The following ZBTB20 variants were observed in gnomAD, a reference collection of about 807,000 sequenced individuals.
ZBTB20 encodes zinc finger and BTB domain containing 20, also known as zinc finger and BTB domain-containing protein 20.
Under a neutral mutation model 56.9 loss-of-function variants are expected in ZBTB20, and 9 were observed. The observed-to-expected ratio is 0.16, with a 90% CI of 0.10 to 0.28. ZBTB20 has a LOEUF of 0.28. Among genes scored for constraint, ZBTB20 ranks in the 10% least tolerant of loss-of-function variants. ZBTB20 has a pLI of 1.00. For synonymous variants in ZBTB20, 417 were observed against 420.7 expected, an observed-to-expected ratio of 0.99 and a Z score of 0.11; for missense variants, 655 against 1,003.0, an observed-to-expected ratio of 0.65 and a Z score of 4.69.
chr3:115,050,977 C>A (rs994436213), intron 2 of ZBTB20, among the ~76,000 whole-genome samples: 5 of 152,028 alleles, frequency 3.3e-5, no homozygotes, highest in African/African-American at 4.8e-5. Context: ...TTTTTTAGCA[C>A]AATCTTCAAT....
intron 5 of ZBTB20, among the ~76,000 whole-genome samples, chr3:114,767,054 T>G (rs1400005431): frequency 6.6e-6 from 1 of 152,078 alleles, no homozygotes; most frequent in Non-Finnish European, 1.5e-5. Flanking sequence ...GAGATGGTCT[T>G]GTCTACATAT....
At chr3:114,668,993 C>G (rs77659336) in intron 6 of ZBTB20, among the ~76,000 whole-genome samples, 4,746 of 152,124 alleles carry the variant, frequency 0.031, 250 homozygotes, top group African/African-American at 0.11. Context: ...AAGTGAACAA[C>G]AACAACAAAA....
chr3:114,754,650 C>T (rs1188311746), intron 5 of ZBTB20, among the ~76,000 whole-genome samples: 3 of 152,004 alleles, frequency 2.0e-5, no homozygotes, highest in Non-Finnish European at 4.4e-5. Context: ...AGACAAGAAA[C>T]TCTTTTATTC....
At chr3:114,922,537 C>T (rs1309428043) in intron 3 of ZBTB20, among the ~76,000 whole-genome samples, 1 of 152,144 alleles carries the variant, frequency 6.6e-6, no homozygotes, top group Admixed American at 6.5e-5. Context: ...AAAGAACTCT[C>T]TAAGAAATTA....
chr3:115,045,832 T>C (rs933815107), intron 2 of ZBTB20, among the ~76,000 whole-genome samples: 5 of 152,200 alleles, frequency 3.3e-5, no homozygotes, highest in Non-Finnish European at 7.4e-5. Context: ...TCTACTTCTT[T>C]TTTCTCCTCA....
At chr3:114,680,517 C>A (rs957742393) in intron 6 of ZBTB20, among the ~76,000 whole-genome samples, 11 of 152,094 alleles carry the variant, frequency 7.2e-5, no homozygotes, top group African/African-American at 2.7e-4. Flanking sequence ...TATACTTGGC[C>A]AAGTAATGAT....
intron 4 of ZBTB20, among the ~76,000 whole-genome samples, chr3:114,855,234 A>G (rs1456046864): frequency 6.6e-6 from 1 of 152,192 alleles, no homozygotes; most frequent in Non-Finnish European, 1.5e-5. Context: ...TCATTTGTGA[A>G]CCTTTCGTAA....
intron 1 of ZBTB20, among the ~76,000 whole-genome samples, chr3:115,105,463 G>A (rs549824739): frequency 2.6e-5 from 4 of 152,108 alleles, no homozygotes; most frequent in Non-Finnish European, 5.9e-5. Flanking sequence ...AATACCTAAA[G>A]ATAGTTAAGG....
rs1471886790 is a variant in ZBTB20 at position 114,333,219 on chromosome 3, T to C, written c.*5786A>G. On this transcript the variant is annotated 3_prime_UTR_variant, in exon 12 of 12. Transcript: ENST00000675478. ...TAGGAACACTGAGTCACCACAGCCT[T>C]TTTTCTTGTAAAGGTTTAAGTGATA... The C allele has an allele frequency of 6.6e-6, 1 of 152,164 alleles. No homozygotes were observed. Among genetic ancestry groups the C allele is most frequent in the East Asian group, 1.9e-4 (1 of 5,200 alleles). 9.4% of individuals were successfully genotyped at this position (152,164 alleles called of 1,614,324 possible).
intron 5 of ZBTB20, among the ~76,000 whole-genome samples, chr3:114,698,716 A>G (rs1394207807): frequency 6.6e-6 from 1 of 152,176 alleles, no homozygotes; most frequent in Non-Finnish European, 1.5e-5. Flanking sequence ...TATCCAAAGG[A>G]AAGAACAAGA....
At chr3:114,681,158 ATTT>A (rs10576152) in intron 6 of ZBTB20, among the ~76,000 whole-genome samples, 24 of 121,054 alleles carry the variant, frequency 2.0e-4, no homozygotes, top group African/African-American at 3.7e-4. Flanking sequence ...TGAGCGTATA[ATTT>A]TTTTTTTTTT....
At chr3:114,592,425 T>TA (rs1421166105) in intron 6 of ZBTB20, among the ~76,000 whole-genome samples, 1 of 152,224 alleles carries the variant, frequency 6.6e-6, no homozygotes, top group Non-Finnish European at 1.5e-5. Flanking sequence ...GAATAAAAGT[T>TA]AGAGTTCTAT....
At chr3:114,772,729 T>C (rs2069306941) in intron 5 of ZBTB20, among the ~76,000 whole-genome samples, 2 of 150,812 alleles carry the variant, frequency 1.3e-5, no homozygotes, top group South Asian at 4.1e-4. Context: ...TGGAGGTAGG[T>C]GACTCATTCT....
chr3:114,364,648 T>A (rs2082216320), intron 10 of ZBTB20, among the ~76,000 whole-genome samples: 1 of 152,214 alleles, frequency 6.6e-6, no homozygotes, highest in Admixed American at 6.5e-5. Context: ...CAGTTACGTC[T>A]ACAGCAATAC....
intron 4 of ZBTB20, among the ~76,000 whole-genome samples, chr3:114,809,776 T>G (rs1578968831): frequency 1.3e-5 from 2 of 152,192 alleles, no homozygotes; most frequent in South Asian, 4.1e-4. Context: ...TCTCATTTTT[T>G]TCTTGAAAAT....
chr3:114,441,064 CTT>C (rs1273011176), intron 7 of ZBTB20, among the ~76,000 whole-genome samples: 7 of 152,110 alleles, frequency 4.6e-5, no homozygotes. Context: ...TTTATTATCT[CTT>C]TTGTCGATTA....
chr3:114,504,465 G>A (rs1577147280), intron 6 of ZBTB20, among the ~76,000 whole-genome samples: 1 of 152,220 alleles, frequency 6.6e-6, no homozygotes, highest in East Asian at 1.9e-4. Flanking sequence ...TATTCCTTGT[G>A]GGCAAGTAAT....
chr3:114,774,354 C>T (rs959505505), intron 5 of ZBTB20, among the ~76,000 whole-genome samples: 1 of 152,112 alleles, frequency 6.6e-6, no homozygotes, highest in Non-Finnish European at 1.5e-5. Context: ...TAATACCACA[C>T]TTTGAATCTT....
intron 3 of ZBTB20, among the ~76,000 whole-genome samples, chr3:114,966,333 G>A (rs1281562993): frequency 3.3e-5 from 5 of 152,052 alleles, no homozygotes; most frequent in African/African-American, 7.2e-5. Context: ...AGAAGCACAC[G>A]AGGTGAATGA....
Sources: allele counts gnomAD v4.1 joint callset (sites outside exome capture counted in the v4.1 genomes callset), GRCh38; gene constraint gnomAD v4.1.1; transcripts MANE v1.5; gene names NCBI Gene and HGNC (gene_info 2026-07-23, HGNC 2026-07-21).